The following ZNF782 variants were observed in gnomAD, a reference collection of about 807,000 sequenced individuals.
The protein encoded by ZNF782 is zinc finger protein 782.
A neutral mutation model predicts 13.0 loss-of-function variants in ZNF782; 12 were observed. The observed-to-expected ratio is 0.92, with a 90% CI of 0.59 to 1.50. The LOEUF is 1.50. ZNF782 is among the 40% of genes most tolerant of loss of function. The pLI, the probability that ZNF782 is intolerant of heterozygous loss-of-function variation, is 0.00. For synonymous variants in ZNF782, 284 were observed against 283.0 expected, an observed-to-expected ratio of 1.00 and a Z score of -0.04; for missense variants, 770 against 822.9, an observed-to-expected ratio of 0.94 and a Z score of 0.79.
At chr9:96,920,726 C>G in the ZNF782 span, among the ~76,000 whole-genome samples, 2 of 148,528 alleles carry the variant, frequency 1.3e-5, no homozygotes, top group East Asian at 4.0e-4. Flanking sequence ...CCAGCCTGAC[C>G]AACATGATGA....
chr9:96,890,471 T>G, the ZNF782 span: 1 of 152,496 alleles, frequency 6.6e-6, no homozygotes, highest in Non-Finnish European at 1.5e-5. Context: ...TTGTGTTTCA[T>G]GTGTGTTTGG....
intron 4 of ZNF782, among the ~76,000 whole-genome samples, chr9:96,834,699 T>G (rs1018794957): frequency 6.6e-6 from 1 of 152,214 alleles, no homozygotes; most frequent in Admixed American, 6.5e-5. Flanking sequence ...AAATGTTTTT[T>G]CTTTAAAAAT....
At chr9:96,882,396 A>G in the ZNF782 span, among the ~76,000 whole-genome samples, 3 of 152,158 alleles carry the variant, frequency 2.0e-5, no homozygotes, top group Non-Finnish European at 4.4e-5. Flanking sequence ...TCATATGATA[A>G]ATTCCTTTTA....
chr9:96,848,630 T>G (rs1339146410), intron 3 of ZNF782, among the ~76,000 whole-genome samples: 1 of 151,482 alleles, frequency 6.6e-6, no homozygotes, highest in African/African-American at 2.4e-5. Flanking sequence ...ACCAAGGAGG[T>G]GAAAGATCTC....
chr9:96,888,152 A>C, the ZNF782 span: 11 of 150,238 alleles, frequency 7.3e-5, no homozygotes, highest in Non-Finnish European at 1.3e-4. Flanking sequence ...CATGTACCCT[A>C]AAACTTACAG....
rs1232902384 is a variant in ZNF782, at chr9:96,827,118, A to G, written c.206T>C (p.Leu69Ser). 3 of 1,612,520 alleles carry G rather than the reference A, an allele frequency of 1.9e-6. No homozygotes were observed. The highest frequency in any genetic ancestry group is 2.5e-6 in the Non-Finnish European group (3 of 1,179,356). The change falls in exon 5 of 6, where the codon TTA becomes TCA. Residue 69 changes from leucine (L) to serine (S), a missense_variant. By Grantham distance (145) the Leu-to-Ser change is moderately radical. Transcript: ENST00000481138. Reference sequence around the variant, plus strand: ...GCTTAGAAATCCTTTCTCTTTCTCTAATAACCATGGATCTTCTCCTTGTTC... The same window carrying G: ...GCTTAGAAATCCTTTCTCTTTCTCTGATAACCATGGATCTTCTCCTTGTTC... ...TLEQGEDPWL[L>S]EKEKGFLSRN...
At chr9:96,873,001 G>A (rs1383429500) in intron 1 of ZNF782, among the ~76,000 whole-genome samples, 1 of 151,914 alleles carries the variant, frequency 6.6e-6, no homozygotes, top group Non-Finnish European at 1.5e-5. Flanking sequence ...ACAGAGGGTG[G>A]CTCAGACCAC....
At chr9:96,899,965 A>T in the ZNF782 span, among the ~76,000 whole-genome samples, 1 of 151,596 alleles carries the variant, frequency 6.6e-6, no homozygotes, top group African/African-American at 2.4e-5. Flanking sequence ...ACATCCCGCT[A>T]ATTTTTTATT....
chr9:96,922,435 T>C, the ZNF782 span, among the ~76,000 whole-genome samples: 12 of 152,344 alleles, frequency 7.9e-5, no homozygotes, highest in East Asian at 2.1e-3. Flanking sequence ...GTCTTCTACT[T>C]AGTTGTAGTC....
chr9:96,921,393 C>T, the ZNF782 span, among the ~76,000 whole-genome samples: 36 of 136,544 alleles, frequency 2.6e-4, 1 homozygote, highest in Admixed American at 3.7e-4. Context: ...ATTAGCCAGA[C>T]ATGGTGGCAC....
intron 3 of ZNF782, among the ~76,000 whole-genome samples, chr9:96,846,582 T>TA (rs201488959): frequency 2.3e-3 from 342 of 151,306 alleles, no homozygotes; most frequent in African/African-American, 7.7e-3. Context: ...AGAAAATCAG[T>TA]AAAAAAAAGA....
chr9:96,848,385 T>TCC (rs1379482202), intron 3 of ZNF782, among the ~76,000 whole-genome samples: 8 of 152,174 alleles, frequency 5.3e-5, no homozygotes. Context: ...CTGCTGTTTG[T>TCC]AGATGATATG....
intron 4 of ZNF782, among the ~76,000 whole-genome samples, chr9:96,830,330 C>G (rs1850755475): frequency 6.6e-6 from 1 of 151,928 alleles, no homozygotes. Flanking sequence ...AGAGGGCTGA[C>G]GGGGCTGAGA....
chr9:96,863,911 G>T (rs1851731730), intron 1 of ZNF782, among the ~76,000 whole-genome samples: 1 of 151,992 alleles, frequency 6.6e-6, no homozygotes, highest in East Asian at 1.9e-4. Context: ...TGGGTACAGT[G>T]TACACTGCTC....
At chr9:96,864,666 T>C (rs1851736793) in intron 1 of ZNF782, among the ~76,000 whole-genome samples, 2 of 152,074 alleles carry the variant, frequency 1.3e-5, no homozygotes, top group African/African-American at 4.8e-5. Context: ...TACAATTAAG[T>C]CTTTACTTAA....
chr9:96,818,384 A>G lies in ZNF782; in HGVS notation c.1639T>C (p.Ser547Pro). The change falls in exon 6 of 6, where the codon TCA (serine) becomes CCA (proline). Residue 547 changes from serine to proline, a missense_variant. Ser to Pro is a moderately conservative substitution (Grantham distance 74, BLOSUM62 -1). Coordinates refer to ENST00000481138, the MANE Select transcript of ZNF782 (RefSeq NM_001001662.3). Reference sequence around the variant, plus strand: ...ATTCTATGATGTCCTCTGAGTTGTGATTTCTGACCGAAAGCTTTTCCACAC... The same window carrying G: ...ATTCTATGATGTCCTCTGAGTTGTGGTTTCTGACCGAAAGCTTTTCCACAC... ...NQCGKAFGQK[S>P]QLRGHHRIHT... 1 of 1,613,928 alleles carries G rather than the reference A, an allele frequency of 6.2e-7. No homozygotes were observed. The highest frequency in any genetic ancestry group is 8.5e-7 in the Non-Finnish European group (1 of 1,179,972).
chr9:96,901,869 CAAAAAAAAA>C, the ZNF782 span, among the ~76,000 whole-genome samples: 74 of 59,606 alleles, frequency 1.2e-3, no homozygotes, highest in Non-Finnish European at 2.6e-3. Flanking sequence ...AACTCTGTCT[CAAAAAAAAA>C]AAAAAAAAAA....
the ZNF782 span, among the ~76,000 whole-genome samples, chr9:96,908,084 G>A: frequency 6.6e-6 from 1 of 152,100 alleles, no homozygotes; most frequent in African/African-American, 2.4e-5. Flanking sequence ...TAAGCTTTAT[G>A]CTGAGAAAGA....
At chr9:96,914,267 A>T in the ZNF782 span, among the ~76,000 whole-genome samples, 1 of 151,476 alleles carries the variant, frequency 6.6e-6, no homozygotes, top group South Asian at 2.1e-4. Flanking sequence ...GATTACAGGC[A>T]TGCATCACCA....
Sources: gnomAD v4.1 joint callset for allele counts (sites outside exome capture counted in the v4.1 genomes callset) on GRCh38, gnomAD v4.1.1 for gene constraint, MANE v1.5 for transcripts, NCBI Gene and HGNC (gene_info 2026-07-23, HGNC 2026-07-21) for gene names.